The following CFAP97 variants were observed in gnomAD, a reference collection of about 807,000 sequenced individuals.
CFAP97 encodes the protein cilia- and flagella-associated protein 97.
CFAP97 carries 36 observed loss-of-function variants against 43.1 expected under a neutral mutation model. That is an observed-to-expected ratio of 0.84 (90% confidence interval 0.64 to 1.10). The LOEUF is 1.10. Ranked by LOEUF, CFAP97 falls within the 50% of genes least tolerant of loss-of-function variation. The pLI is 0.00. For missense variants in CFAP97, 657 were observed against 620.3 expected, an observed-to-expected ratio of 1.06 and a Z score of -0.63; for synonymous variants, 228 against 225.7, an observed-to-expected ratio of 1.01 and a Z score of -0.09.
At chr4:185,208,467 C>T (rs976155474), upstream of CFAP97, among the ~76,000 whole-genome samples, 2 of 151,982 alleles carry the variant, frequency 1.3e-5, no homozygotes, top group Admixed American at 1.3e-4. Context: ...CGGTGGCTTA[C>T]ACCTATAATC....
intron 2 of CFAP97, among the ~76,000 whole-genome samples, chr4:185,181,654 C>T (rs1051432167): frequency 6.6e-6 from 1 of 152,108 alleles, no homozygotes; most frequent in African/African-American, 2.4e-5. Flanking sequence ...CAGTTTTGTC[C>T]TCAAAGATCC....
chr4:185,185,290 T>C (rs988256790), intron 2 of CFAP97, among the ~76,000 whole-genome samples: 4 of 152,104 alleles, frequency 2.6e-5, no homozygotes, highest in Admixed American at 6.6e-5. Context: ...CAATAGAAAT[T>C]TGATGCACAA....
At chr4:185,203,201 AAAAAAT>A (rs1736978861) in intron 1 of CFAP97, among the ~76,000 whole-genome samples, 1 of 152,210 alleles carries the variant, frequency 6.6e-6, no homozygotes, top group East Asian at 1.9e-4. Flanking sequence ...ACCCTGTCTC[AAAAAAT>A]AAAAATAAAA....
chr4:185,207,256 G>A (rs183492739), upstream of CFAP97, among the ~76,000 whole-genome samples: 14 of 118,728 alleles, frequency 1.2e-4, no homozygotes, highest in East Asian at 1.8e-3. Flanking sequence ...TCTCGCTGTC[G>A]CCCAGGCTGG....
chr4:185,173,693 CAT>C (rs1351247823), intron 3 of CFAP97, among the ~76,000 whole-genome samples: 7 of 152,028 alleles, frequency 4.6e-5, no homozygotes, highest in Non-Finnish European at 1.0e-4. Context: ...TAGCCGAATT[CAT>C]AGAGACAGAA....
chr4:185,192,733 C>CTTTTTTTTTTTTTTTTTTTTTTTTTTTT (rs760026667), intron 1 of CFAP97, among the ~76,000 whole-genome samples: 6 of 81,420 alleles, frequency 7.4e-5, no homozygotes, highest in African/African-American at 2.7e-4. Context: ...AATTGACCTT[C>CTTTTTTTTTTTTTTTTTTTTTTTTTTTT]TTTTTTTTTT....
chr4:185,205,471 G>T (rs777395400), upstream of CFAP97, among the ~76,000 whole-genome samples: 1 of 151,548 alleles, frequency 6.6e-6, no homozygotes, highest in Non-Finnish European at 1.5e-5. Context: ...AAAAAAGCAA[G>T]AATTTCACTT....
chr4:185,200,450 G>C (rs564955162), intron 1 of CFAP97, among the ~76,000 whole-genome samples: 1 of 152,282 alleles, frequency 6.6e-6, no homozygotes, highest in East Asian at 1.9e-4. Context: ...GACCAGCCTG[G>C]CCAACAGGGT....
In CFAP97 at chr4:185,162,851, C is replaced by T. The variant is rs1398052819; in HGVS notation, c.1546G>A (p.Gly516Ser). The change falls in exon 5 of 5, where the codon GGC (glycine) becomes AGC (serine). Residue 516 changes from glycine (G) to serine (S), a missense_variant. Coordinates refer to ENST00000458385, the MANE Select transcript of CFAP97 (RefSeq NM_020827.3). ...GGTTTAGGTCTTCTTCGAGGGTGGC[C>T]ACTGGAGGGGTCAACCGCTGATCGC... ...SERSAVDPSS[G>S]HPRRRPKPPN... 5 of 1,612,596 alleles carry T rather than the reference C, an allele frequency of 3.1e-6. No homozygotes were observed. The highest frequency in any genetic ancestry group is 4.2e-6 in the Non-Finnish European group (5 of 1,179,418).
chr4:185,194,021 G>T (rs1467053237), intron 1 of CFAP97, among the ~76,000 whole-genome samples: 1 of 152,152 alleles, frequency 6.6e-6, no homozygotes, highest in Non-Finnish European at 1.5e-5. Flanking sequence ...GTCCGTAAAC[G>T]AAATCTTGTC....
At chr4:185,192,856 T>C (rs1242514624) in intron 1 of CFAP97, among the ~76,000 whole-genome samples, 2 of 148,888 alleles carry the variant, frequency 1.3e-5, no homozygotes, top group Non-Finnish European at 3.0e-5. Flanking sequence ...TTCTCCTGCC[T>C]CAGCCTCCCG....
upstream of CFAP97, among the ~76,000 whole-genome samples, chr4:185,205,452 T>C (rs893299884): frequency 4.4e-5 from 6 of 136,028 alleles, no homozygotes; most frequent in African/African-American, 1.6e-4. Flanking sequence ...AGACTGTGTC[T>C]CAAAAAAAAA....
At chr4:185,176,267 C>T (rs1163833955) in intron 2 of CFAP97, among the ~76,000 whole-genome samples, 2 of 152,062 alleles carry the variant, frequency 1.3e-5, no homozygotes, top group East Asian at 3.9e-4. Context: ...CATCCACCAC[C>T]ATGCCTGGCT....
intron 3 of CFAP97, among the ~76,000 whole-genome samples, chr4:185,164,453 A>T (rs1734993560): frequency 6.6e-6 from 1 of 152,176 alleles, no homozygotes; most frequent in African/African-American, 2.4e-5. Flanking sequence ...ATTTCAAATA[A>T]TATAATTTCA....
chr4:185,179,006 C>A (rs74442506), intron 2 of CFAP97, among the ~76,000 whole-genome samples: 3,165 of 152,140 alleles, frequency 0.021, 51 homozygotes, highest in Middle Eastern at 0.071. Flanking sequence ...CTAAAAAAAT[C>A]ATAAAAAGAA....
intron 1 of CFAP97, among the ~76,000 whole-genome samples, chr4:185,193,784 G>A (rs1343774129): frequency 6.6e-6 from 1 of 152,188 alleles, no homozygotes; most frequent in East Asian, 1.9e-4. Flanking sequence ...ACACTCTGCA[G>A]CCTTTAGGCA....
chr4:185,163,254 T>C (rs1217086842), intron 4 of CFAP97, among the ~76,000 whole-genome samples: 1 of 152,172 alleles, frequency 6.6e-6, no homozygotes, highest in South Asian at 2.1e-4. Flanking sequence ...ATGCTAAGTA[T>C]GAGTTACTAA....
At chr4:185,187,456 C>T (rs930407349) in intron 2 of CFAP97, among the ~76,000 whole-genome samples, 44 of 151,900 alleles carry the variant, frequency 2.9e-4, no homozygotes, top group African/African-American at 9.7e-4. Context: ...GAGAAACAAG[C>T]TTTTGCGACA....
intron 1 of CFAP97, among the ~76,000 whole-genome samples, chr4:185,196,466 CAAAA>C (rs58653090): frequency 7.7e-6 from 1 of 129,654 alleles, no homozygotes; most frequent in African/African-American, 3.1e-5. Flanking sequence ...TAGTCCGTCT[CAAAA>C]AAAAAAAAAA....
Sources: gnomAD v4.1 joint callset for allele counts (sites outside exome capture counted in the v4.1 genomes callset) on GRCh38, gnomAD v4.1.1 for gene constraint, MANE v1.5 for transcripts, NCBI Gene and HGNC (gene_info 2026-07-23, HGNC 2026-07-21) for gene names.